The following CNTN5 variants were observed in gnomAD, a reference collection of about 807,000 sequenced individuals.
The protein encoded by CNTN5 is contactin-5.
Under a neutral mutation model 129.1 loss-of-function variants are expected in CNTN5, and 77 were observed. The observed-to-expected ratio is 0.60, with a 90% CI of 0.50 to 0.72. CNTN5 has a LOEUF of 0.72. CNTN5 is among the 30% of genes least tolerant of loss of function. The pLI is 0.00. For synonymous variants in CNTN5, 509 were observed against 465.6 expected (o/e 1.09, Z -1.20); for missense variants, 1,478 against 1,328.8 (o/e 1.11, Z -1.75).
rs967445452 is a variant in CNTN5 at position 99,818,856 on chromosome 11, T to G, written c.56-688T>G. Reference sequence around the variant, plus strand: ...AAAATTTCATCATTGTTTCCCCACTTAATAGTATTAATCTGTACACATTAG... The same window carrying G: ...AAAATTTCATCATTGTTTCCCCACTGAATAGTATTAATCTGTACACATTAG... On this transcript the variant is annotated intron_variant, in intron 3 of 24. Transcript: ENST00000524871. Among the ~76,000 whole-genome samples the G allele has an allele frequency of 1.3e-5, 2 of 152,134 alleles. 1 individual carries two copies. Among genetic ancestry groups the G allele is most frequent in the South Asian group, 4.1e-4 (2 of 4,824 alleles).
intron 1 of CNTN5, among the ~76,000 whole-genome samples, chr11:99,171,438 C>T (rs552730271): frequency 6.6e-6 from 1 of 152,318 alleles, no homozygotes; most frequent in South Asian, 2.1e-4. Context: ...AGTTCCTCCT[C>T]CTTATTCCTT....
chr11:100,078,575 A>C (rs1345072060), intron 13 of CNTN5, among the ~76,000 whole-genome samples: 2 of 152,204 alleles, frequency 1.3e-5, no homozygotes, highest in Non-Finnish European at 2.9e-5. Flanking sequence ...TGTTGGTAAA[A>C]GTATAAACCA....
intron 1 of CNTN5, among the ~76,000 whole-genome samples, chr11:99,273,509 C>T (rs973642739): frequency 5.3e-5 from 8 of 151,698 alleles, no homozygotes; most frequent in African/African-American, 1.9e-4. Context: ...CTTGCTTCTA[C>T]TTTAGTGAAA....
At chr11:99,513,082 C>T (rs1352941703) in intron 2 of CNTN5, among the ~76,000 whole-genome samples, 2 of 152,068 alleles carry the variant, frequency 1.3e-5, no homozygotes, top group Non-Finnish European at 2.9e-5. Flanking sequence ...CCAGTGAATA[C>T]ATGAATGATA....
chr11:99,926,181 TG>T (rs1950057854), intron 7 of CNTN5, among the ~76,000 whole-genome samples: 1 of 152,178 alleles, frequency 6.6e-6, no homozygotes, highest in Non-Finnish European at 1.5e-5. Flanking sequence ...CAAATGCTTT[TG>T]AGAAAGGGGT....
intron 1 of CNTN5, among the ~76,000 whole-genome samples, chr11:99,255,806 ACACACACACGCACACG>A (rs1565441896): frequency 6.6e-6 from 1 of 151,176 alleles, no homozygotes; most frequent in Admixed American, 6.6e-5. Flanking sequence ...ACACGCACAC[ACACACACACGCACACG>A]CACACACATG....
At chr11:99,812,494 A>G (rs1363962244) in intron 3 of CNTN5, among the ~76,000 whole-genome samples, 1 of 152,150 alleles carries the variant, frequency 6.6e-6, no homozygotes, top group Non-Finnish European at 1.5e-5. Flanking sequence ...AGTTCTTACT[A>G]TCAGGCAAGC....
At chr11:100,005,843 A>G (rs769596917) in intron 9 of CNTN5, among the ~76,000 whole-genome samples, 2 of 152,186 alleles carry the variant, frequency 1.3e-5, no homozygotes, top group Non-Finnish European at 2.9e-5. Context: ...GATCATAAGT[A>G]CAAAATCTTG....
intron 20 of CNTN5, among the ~76,000 whole-genome samples, chr11:100,303,528 G>A (rs1951276864): frequency 6.6e-6 from 1 of 150,646 alleles, no homozygotes; most frequent in Non-Finnish European, 1.5e-5. Context: ...AATTGATACA[G>A]TTAATTATAG....
At chr11:99,620,055 A>G (rs1201884046) in intron 3 of CNTN5, among the ~76,000 whole-genome samples, 3 of 151,544 alleles carry the variant, frequency 2.0e-5, no homozygotes, top group Non-Finnish European at 4.4e-5. Flanking sequence ...CAAAGCTTAG[A>G]TCAGTTGAGG....
In CNTN5 at chr11:99,687,738, C is replaced by T. The variant is rs190366680; in HGVS notation, c.55+131469C>T. Among the ~76,000 whole-genome samples, 42 of 152,234 alleles carry T rather than the reference C, an allele frequency of 2.8e-4. 2 individuals are homozygous for T. The East Asian group carries it at 8.1e-3, about 29-fold the overall frequency. ...CATAAGATTCTGCTGCCTTTATGTA[C>T]CTGTACATTTCTCCTAAAATATATT... On this transcript the variant is annotated intron_variant, in intron 3 of 24. Transcript: ENST00000524871.
intron 1 of CNTN5, among the ~76,000 whole-genome samples, chr11:99,052,868 T>C (rs1864482621): frequency 6.6e-6 from 1 of 151,886 alleles, no homozygotes. Flanking sequence ...TCTGTAATGC[T>C]ATAATAAAAG....
intron 1 of CNTN5, among the ~76,000 whole-genome samples, chr11:99,320,177 G>A (rs918236306): frequency 3.3e-5 from 5 of 152,158 alleles, no homozygotes; most frequent in African/African-American, 1.2e-4. Flanking sequence ...CAGAGGCAGA[G>A]TTTGCAGTGA....
intron 6 of CNTN5, among the ~76,000 whole-genome samples, chr11:99,883,176 A>G (rs375106700): frequency 2.0e-5 from 3 of 152,200 alleles, no homozygotes; most frequent in Admixed American, 2.0e-4. Context: ...TGCTGCAACA[A>G]ACATCGGAGT....
At chr11:99,358,329 C>G (rs986696701) in intron 2 of CNTN5, among the ~76,000 whole-genome samples, 6 of 139,782 alleles carry the variant, frequency 4.3e-5, no homozygotes, top group Non-Finnish European at 1.5e-5. Flanking sequence ...CTCCTGACCT[C>G]GTGATCCGCC....
intron 9 of CNTN5, among the ~76,000 whole-genome samples, chr11:100,028,585 C>G (rs1171976127): frequency 6.6e-6 from 1 of 152,148 alleles, no homozygotes; most frequent in Non-Finnish European, 1.5e-5. Flanking sequence ...GAAACGCCAT[C>G]CAAGACACAG....
chr11:99,438,317 AACTATTCGT>A (rs1197710068), intron 2 of CNTN5, among the ~76,000 whole-genome samples: 1 of 152,132 alleles, frequency 6.6e-6, no homozygotes, highest in Non-Finnish European at 1.5e-5. Context: ...TACTATAAGG[AACTATTCGT>A]CTTATCTCTA....
At chr11:99,392,392 C>A (rs548653613) in intron 2 of CNTN5, among the ~76,000 whole-genome samples, 1 of 151,812 alleles carries the variant, frequency 6.6e-6, no homozygotes, top group African/African-American at 2.4e-5. Context: ...GCCACCCCTC[C>A]TTCATAGGAT....
At chr11:99,109,123 A>C (rs567102620) in intron 1 of CNTN5, among the ~76,000 whole-genome samples, 1 of 151,684 alleles carries the variant, frequency 6.6e-6, no homozygotes, top group Non-Finnish European at 1.5e-5. Flanking sequence ...GTACATGTCT[A>C]TATGTATATA....
Sources: gnomAD v4.1 joint callset for allele counts (sites outside exome capture counted in the v4.1 genomes callset) on GRCh38, gnomAD v4.1.1 for gene constraint, MANE v1.5 for transcripts, NCBI Gene and HGNC (gene_info 2026-07-23, HGNC 2026-07-21) for gene names.